The following WIPI2 variants were observed in gnomAD, a reference collection of about 807,000 sequenced individuals.
The protein encoded by WIPI2 is WD repeat domain, phosphoinositide interacting 2.
WIPI2 carries 28 observed loss-of-function variants against 52.3 expected under a neutral mutation model. The ratio of observed to expected loss-of-function variants is 0.54; its 90% CI spans 0.40 to 0.73. WIPI2 has a LOEUF of 0.73. Among genes scored for constraint, WIPI2 ranks in the 30% least tolerant of loss-of-function variants. The pLI is 0.00. For missense variants in WIPI2, 506 were observed against 602.9 expected (o/e 0.84, Z 1.68); for synonymous variants, 268 against 245.0 (o/e 1.09, Z -0.88).
At chr7:5,197,072 G>A (rs141889248) in intron 2 of WIPI2, among the ~76,000 whole-genome samples, 2 of 122,452 alleles carry the variant, frequency 1.6e-5, no homozygotes, top group African/African-American at 6.3e-5. Flanking sequence ...GGATCGCGCT[G>A]CTGCACTCCA....
At chr7:5,208,934 A>G (rs1386872317) in intron 3 of WIPI2, among the ~76,000 whole-genome samples, 1 of 151,988 alleles carries the variant, frequency 6.6e-6, no homozygotes, top group African/African-American at 2.4e-5. Context: ...TGATACGTTA[A>G]TAATATTGAG....
intron 8 of WIPI2, among the ~76,000 whole-genome samples, chr7:5,223,470 C>T (rs564603868): frequency 1.3e-5 from 2 of 152,262 alleles, no homozygotes; most frequent in Admixed American, 1.3e-4. Context: ...TATCCCCAAA[C>T]GTCACCGCTC....
chr7:5,203,131 A>T (rs749304842), intron 3 of WIPI2, among the ~76,000 whole-genome samples: 4 of 152,166 alleles, frequency 2.6e-5, no homozygotes, highest in Non-Finnish European at 5.9e-5. Context: ...TGGCCAAGAA[A>T]CTAATCATTT....
In WIPI2 at chr7:5,233,534, A is replaced by G. The variant is rs1230842647; in HGVS notation, c.*2587A>G. On this transcript the variant is annotated 3_prime_UTR_variant, in exon 13 of 13. Coordinates refer to ENST00000288828, the MANE Select transcript of WIPI2 (RefSeq NM_015610.4). ...GAAACAAAACCTGTAAACGTTGTGA[A>G]TGGGCTCAGTGGACTCTGGGACCAA... 1 of 152,664 alleles carries G rather than the reference A, an allele frequency of 6.6e-6. No individual in the cohort carries two copies. The highest frequency in any genetic ancestry group is 1.9e-4 in the East Asian group (1 of 5,204). The allele number at this position is 152,664 out of a possible 1,614,324, so 9.5% of individuals were successfully genotyped here.
intron 3 of WIPI2, among the ~76,000 whole-genome samples, chr7:5,200,499 ACT>A (rs1270966234): frequency 6.6e-6 from 1 of 150,938 alleles, no homozygotes; most frequent in Non-Finnish European, 1.5e-5. Context: ...TCCTGAGCAC[ACT>A]CTCCAGTCCT....
chr7:5,214,330 G>C (rs1562397357), intron 3 of WIPI2: 1 of 1,572,976 alleles, frequency 6.4e-7, no homozygotes, highest in South Asian at 1.1e-5. Context: ...GCCATCCTTA[G>C]AGTGGAAATG....
intron 3 of WIPI2, among the ~76,000 whole-genome samples, chr7:5,202,693 T>C: frequency 6.6e-6 from 1 of 152,264 alleles, no homozygotes; most frequent in Non-Finnish European, 1.5e-5. Context: ...GCCTCTCATA[T>C]GATCAGTGCT....
intron 3 of WIPI2, among the ~76,000 whole-genome samples, chr7:5,210,420 C>T (rs1056039716): frequency 6.6e-6 from 1 of 152,188 alleles, no homozygotes; most frequent in Non-Finnish European, 1.5e-5. Context: ...TTCAGATGCC[C>T]TCTTCTGTTG....
Position 5,216,644 on chromosome 7 carries a change from C to G in WIPI2, c.463C>G (p.Pro155Ala). ...MKVLHTIRET[P>A]PNPAGLCALS... ...GGTGCTGCATACGATCAGGGAGACG[C>G]CTCCAAACCCTGCAGGTGAGCTAAC... The change falls in exon 5 of 13, where the codon CCT becomes GCT. Residue 155 changes from proline to alanine, a missense_variant. Pro to Ala is a conservative substitution (Grantham distance 27). Around this residue, in one of 4 missense-constraint regions of WIPI2, gnomAD observed 237 missense variants for 346.9 expected, o/e 0.68. Coordinates refer to ENST00000288828, the MANE Select transcript of WIPI2 (RefSeq NM_015610.4). The G allele has an allele frequency of 6.2e-7, 1 of 1,614,148 alleles. No homozygotes were observed. Among genetic ancestry groups the G allele is most frequent in the South Asian group, 1.1e-5 (1 of 91,080 alleles).
At chr7:5,211,848 A>C (rs986883752) in intron 3 of WIPI2, among the ~76,000 whole-genome samples, 1 of 152,176 alleles carries the variant, frequency 6.6e-6, no homozygotes, top group Non-Finnish European at 1.5e-5. Flanking sequence ...TGTGATTGTT[A>C]AACTCGCCTT....
In WIPI2 at chr7:5,228,193, C is replaced by A. The variant is rs774637606; in HGVS notation, c.1103C>A (p.Ala368Asp). The stretch of plus-strand genomic sequence containing the variant: ...GACCCCCAGGAGGGCGGCGAGTGTG[C>A]CCTGATGAAGCAGCACCGGTGAGTC... ...NLDPQEGGECALMKQHRLDGS... is the reference protein window; with the variant it reads ...NLDPQEGGECDLMKQHRLDGS... Residue 368 changes from alanine (A) to aspartate (D), a missense_variant, in exon 11 of 13, where the codon GCC becomes GAC. Physicochemically the swap from Ala to Asp is moderately radical, Grantham distance 126. Around this residue, in one of 4 missense-constraint regions of WIPI2, gnomAD observed 194 missense variants for 175.1 expected, o/e 1.11. Transcript: ENST00000288828. 1 of 1,613,246 alleles carries A rather than the reference C, an allele frequency of 6.2e-7. No homozygotes were observed. Among genetic ancestry groups the A allele is most frequent in the Non-Finnish European group, 8.5e-7 (1 of 1,179,866 alleles).
chr7:5,228,251 T>G, intron 11 of WIPI2, 40 bp downstream of exon 11: 1 of 1,538,478 alleles, frequency 6.5e-7, no homozygotes, highest in South Asian at 1.2e-5. Context: ...TGCTCCGTGC[T>G]GGCGGGGGGC....
chr7:5,204,060 C>G (rs1407523494), intron 3 of WIPI2, among the ~76,000 whole-genome samples: 1 of 152,236 alleles, frequency 6.6e-6, no homozygotes, highest in Non-Finnish European at 1.5e-5. Context: ...CACCTAGCAG[C>G]CTGATCCATT....
At chr7:5,200,311 G>C (rs976203235) in intron 3 of WIPI2, among the ~76,000 whole-genome samples, 3 of 152,192 alleles carry the variant, frequency 2.0e-5, no homozygotes, top group African/African-American at 7.2e-5. Flanking sequence ...GATGGAGACT[G>C]TGACTGGAAG....
At chr7:5,199,131 C>T (rs921079761) in intron 2 of WIPI2, among the ~76,000 whole-genome samples, 1 of 152,184 alleles carries the variant, frequency 6.6e-6, no homozygotes, top group Non-Finnish European at 1.5e-5. Context: ...TGGGCTCAAG[C>T]AATCCTCCCA....
chr7:5,212,500 G>A (rs963266842), intron 3 of WIPI2, among the ~76,000 whole-genome samples: 1 of 152,142 alleles, frequency 6.6e-6, no homozygotes, highest in Admixed American at 6.6e-5. Context: ...CAGGACACCA[G>A]CCATGATCAT....
At chr7:5,198,826 A>G (rs748850863) in intron 2 of WIPI2, among the ~76,000 whole-genome samples, 2 of 152,196 alleles carry the variant, frequency 1.3e-5, no homozygotes, top group Non-Finnish European at 2.9e-5. Flanking sequence ...TTGAAGGTAT[A>G]CAGTGTGATG....
intron 3 of WIPI2, among the ~76,000 whole-genome samples, chr7:5,208,028 A>T (rs1366472325): frequency 6.6e-6 from 1 of 152,196 alleles, no homozygotes; most frequent in East Asian, 1.9e-4. Flanking sequence ...GACCTCCCAA[A>T]GTGCTGGGAT....
chr7:5,210,188 C>A (rs894831536), intron 3 of WIPI2, among the ~76,000 whole-genome samples: 1 of 152,236 alleles, frequency 6.6e-6, no homozygotes, highest in African/African-American at 2.4e-5. Context: ...GGACTCCAGG[C>A]GTGAGCCCCT....
Sources: allele counts gnomAD v4.1 joint callset (sites outside exome capture counted in the v4.1 genomes callset), GRCh38; gene constraint gnomAD v4.1.1; regional missense constraint gnomAD v4.1.1; transcripts MANE v1.5; gene names NCBI Gene and HGNC (gene_info 2026-07-23, HGNC 2026-07-21).